COMMD10: variants seen among roughly 807,000 people sequenced by gnomAD.
The protein encoded by COMMD10 is COMM domain containing 10, also known as COMM domain-containing protein 10.
In COMMD10, 33 loss-of-function variants were observed where a neutral mutation model predicts 28.9. That is an observed-to-expected ratio of 1.14 (90% CI 0.87 to 1.53). The LOEUF (loss-of-function observed/expected upper bound fraction) is 1.53, where lower values mean the gene tolerates loss of function less well. Ranked by LOEUF, COMMD10 falls within the 40% of genes most tolerant of loss-of-function variation. The pLI, the probability that COMMD10 is intolerant of heterozygous loss-of-function variation, is 0.00. For missense variants in COMMD10, 310 were observed against 233.4 expected (o/e 1.33, Z -2.14); for synonymous variants, 110 against 81.7 (o/e 1.35, Z -1.87).
intron 5 of COMMD10, among the ~76,000 whole-genome samples, chr5:116,283,801 A>T (rs916074328): frequency 3.3e-5 from 5 of 151,846 alleles, no homozygotes; most frequent in Non-Finnish European, 7.4e-5. Context: ...TTACATATCC[A>T]GTTATTATAT....
chr5:116,136,152 T>C (rs1331608436), intron 5 of COMMD10, among the ~76,000 whole-genome samples: 2 of 152,192 alleles, frequency 1.3e-5, no homozygotes, highest in African/African-American at 4.8e-5. Flanking sequence ...TTATTACCTC[T>C]TCCCTTGTTC....
intron 5 of COMMD10, among the ~76,000 whole-genome samples, chr5:116,276,018 T>G (rs1476509315): frequency 6.6e-6 from 1 of 151,188 alleles, no homozygotes; most frequent in African/African-American, 2.5e-5. Flanking sequence ...TTTGGAAGCC[T>G]TCATTGTAAA....
At chr5:116,148,690 T>G (rs1002445917) in intron 5 of COMMD10, among the ~76,000 whole-genome samples, 3 of 151,756 alleles carry the variant, frequency 2.0e-5, no homozygotes, top group Non-Finnish European at 2.9e-5. Context: ...ACCAAAAGCA[T>G]GAGCAATCAA....
intron 5 of COMMD10, among the ~76,000 whole-genome samples, chr5:116,269,182 T>G (rs1001630386): frequency 3.3e-5 from 5 of 151,920 alleles, no homozygotes; most frequent in South Asian, 2.1e-4. Context: ...TTATGTTTAT[T>G]AACAACTGAC....
At chr5:116,135,413 T>G (rs1440158239) in intron 5 of COMMD10, among the ~76,000 whole-genome samples, 1 of 152,236 alleles carries the variant, frequency 6.6e-6, no homozygotes, top group African/African-American at 2.4e-5. Context: ...GTCTTACATA[T>G]AATGTATTAG....
intron 4 of COMMD10, among the ~76,000 whole-genome samples, chr5:116,117,693 T>G (rs1751286594): frequency 6.6e-6 from 1 of 152,156 alleles, no homozygotes; most frequent in Admixed American, 6.5e-5. Context: ...CTTGAACCCC[T>G]GAACTTAAGT....
At chr5:116,244,996 AAGG>A (rs1470746057) in intron 5 of COMMD10, among the ~76,000 whole-genome samples, 1 of 152,004 alleles carries the variant, frequency 6.6e-6, no homozygotes, top group African/African-American at 2.4e-5. Context: ...AGCTGAATTG[AAGG>A]AGATTGAGAT....
chr5:116,210,958 A>T (rs554799459), intron 5 of COMMD10, among the ~76,000 whole-genome samples: 1 of 152,244 alleles, frequency 6.6e-6, no homozygotes, highest in South Asian at 2.1e-4. Flanking sequence ...GAACATTTAC[A>T]TTGAAGAAGG....
chr5:116,168,078 A>G (rs993861808), intron 5 of COMMD10, among the ~76,000 whole-genome samples: 5 of 151,352 alleles, frequency 3.3e-5, no homozygotes, highest in African/African-American at 4.9e-5. Context: ...TGCTGTATTC[A>G]GGAGACCCAT....
intron 4 of COMMD10, among the ~76,000 whole-genome samples, chr5:116,106,992 T>G (rs1750860123): frequency 6.6e-6 from 1 of 152,212 alleles, no homozygotes; most frequent in Admixed American, 6.5e-5. Flanking sequence ...AGATTAATAT[T>G]GTCATGTGTG....
intron 4 of COMMD10, among the ~76,000 whole-genome samples, chr5:116,111,736 G>A (rs1751051860): frequency 6.6e-6 from 1 of 152,128 alleles, no homozygotes; most frequent in South Asian, 2.1e-4. Context: ...GATGAGAAGA[G>A]TATTTATTCT....
intron 5 of COMMD10, among the ~76,000 whole-genome samples, chr5:116,159,188 A>G (rs1752837820): frequency 6.6e-6 from 1 of 152,190 alleles, no homozygotes; most frequent in African/African-American, 2.4e-5. Flanking sequence ...AGTGAAACCC[A>G]AAGGCCTGTA....
rs1371450008 is a variant in COMMD10, at chr5:116,264,128, A to T, written c.511-27389A>T. ...AGGAGTGGCCCCTAAATCAAGTCAA[A>T]CTCTTCTGTTTCCCAACTACCTCTT... On this transcript the variant is annotated intron_variant, in intron 5 of 6. Coordinates refer to ENST00000274458, the MANE Select transcript of COMMD10 (RefSeq NM_016144.4). 2.6e-5 allele frequency among the ~76,000 whole-genome samples: 4 copies of T among 151,450 alleles called. No homozygotes were observed. In the East Asian group the frequency reaches 7.8e-4, roughly 29 times the overall value.
chr5:116,196,030 T>A (rs1748509623), intron 5 of COMMD10, among the ~76,000 whole-genome samples: 1 of 152,194 alleles, frequency 6.6e-6, no homozygotes, highest in Non-Finnish European at 1.5e-5. Context: ...GTGTGGAGAT[T>A]TCTTAAGGAA....
chr5:116,101,834 G>C (rs1266863865), intron 4 of COMMD10, among the ~76,000 whole-genome samples: 1 of 151,992 alleles, frequency 6.6e-6, no homozygotes, highest in African/African-American at 2.4e-5. Flanking sequence ...TGTATCTGTT[G>C]GCCATTTTTA....
At chr5:116,190,239 C>A (rs1748315785) in intron 5 of COMMD10, among the ~76,000 whole-genome samples, 1 of 150,410 alleles carries the variant, frequency 6.6e-6, no homozygotes, top group African/African-American at 2.4e-5. Flanking sequence ...ATTTTGAGGC[C>A]TATATATATA....
intron 5 of COMMD10, among the ~76,000 whole-genome samples, chr5:116,160,852 G>A (rs1039043127): frequency 1.3e-5 from 2 of 152,154 alleles, no homozygotes; most frequent in Non-Finnish European, 2.9e-5. Context: ...ACGGGAAGCA[G>A]TGTGATTCAG....
chr5:116,101,956 A>G (rs1750679509), intron 4 of COMMD10, among the ~76,000 whole-genome samples: 2 of 152,066 alleles, frequency 1.3e-5, no homozygotes, highest in Non-Finnish European at 2.9e-5. Flanking sequence ...CATTCTGGAT[A>G]TTGGTCCTCT....
intron 5 of COMMD10, among the ~76,000 whole-genome samples, chr5:116,165,820 C>T (rs116691007): frequency 2.6e-3 from 394 of 152,254 alleles, no homozygotes; most frequent in African/African-American, 8.6e-3. Flanking sequence ...ACCTTAAATA[C>T]TTCCTTAGAG....
Sources: allele counts gnomAD v4.1 joint callset (sites outside exome capture counted in the v4.1 genomes callset), GRCh38; gene constraint gnomAD v4.1.1; transcripts MANE v1.5; gene names NCBI Gene and HGNC (gene_info 2026-07-23, HGNC 2026-07-21).